The following SLC6A6 variants were observed in gnomAD, a reference collection of about 807,000 sequenced individuals.
The protein encoded by SLC6A6 is solute carrier family 6 member 6, also known as sodium- and chloride-dependent taurine transporter.
SLC6A6 carries 16 observed loss-of-function variants against 68.8 expected under a neutral mutation model. The ratio of observed to expected loss-of-function variants is 0.23; its 90% CI spans 0.16 to 0.35. The LOEUF (loss-of-function observed/expected upper bound fraction) is 0.35, where lower values mean the gene tolerates loss of function less well. Ranked by LOEUF, SLC6A6 falls within the 10% of genes least tolerant of loss-of-function variation. The pLI is 1.00. For missense variants in SLC6A6, 474 were observed against 802.8 expected, an observed-to-expected ratio of 0.59 and a Z score of 4.95; for synonymous variants, 312 against 315.4, an observed-to-expected ratio of 0.99 and a Z score of 0.12.
chr3:14,420,382 T>C (rs1699459034), intron 2 of SLC6A6, among the ~76,000 whole-genome samples: 1 of 152,240 alleles, frequency 6.6e-6, no homozygotes, highest in Admixed American at 6.5e-5. Context: ...GCCAGTTTGC[T>C]GACCTTGTTG....
intron 2 of SLC6A6, among the ~76,000 whole-genome samples, chr3:14,435,297 C>T (rs1699826396): frequency 6.6e-6 from 1 of 152,146 alleles, no homozygotes; most frequent in African/African-American, 2.4e-5. Flanking sequence ...GAGGTAGAGG[C>T]TTTTCTGCAG....
intron 4 of SLC6A6, 115 bp downstream of exon 4, chr3:14,445,966 A>T: frequency 9.8e-7 from 1 of 1,023,808 alleles, no homozygotes; most frequent in Non-Finnish European, 1.5e-6. Flanking sequence ...ACTTAGCTCT[A>T]TGCTGACACA....
At chr3:14,454,935 C>T (rs1164550715) in intron 5 of SLC6A6, among the ~76,000 whole-genome samples, 5 of 152,150 alleles carry the variant, frequency 3.3e-5, no homozygotes, top group Admixed American at 6.5e-5. Flanking sequence ...TCTCCAGGAC[C>T]GAGCTCCTTA....
In SLC6A6 at chr3:14,477,899, T is replaced by C. The variant is rs1700915378; in HGVS notation, c.1347+557T>C. ...AAGAGCAGAAGGGAACGGGAACGTC[T>C]AAGACGTGTCTAGCAAGAGGCAAGC... On this transcript the variant is annotated intron_variant, in intron 11 of 14. Transcript: ENST00000622186. This position sits in a 1 kb window ranked among gnomAD's most constrained non-coding sequence, Gnocchi z 4.2. Among the ~76,000 whole-genome samples, 1 of 152,094 alleles carries C rather than the reference T, an allele frequency of 6.6e-6. No individual in the cohort carries two copies.
At chr3:14,414,684 C>T (rs1574909347) in intron 1 of SLC6A6, among the ~76,000 whole-genome samples, 2 of 152,230 alleles carry the variant, frequency 1.3e-5, no homozygotes, top group Admixed American at 1.3e-4. Context: ...TGCCACCATA[C>T]CCAGCTAATT....
chr3:14,421,903 G>A (rs1699493741), intron 2 of SLC6A6, among the ~76,000 whole-genome samples: 1 of 152,198 alleles, frequency 6.6e-6, no homozygotes, highest in Non-Finnish European at 1.5e-5. Flanking sequence ...AGCCTCGTGG[G>A]AAAGCTTGGG....
intron 7 of SLC6A6, 55 bp downstream of exon 7, chr3:14,466,705 C>T: frequency 6.6e-7 from 1 of 1,514,474 alleles, no homozygotes; most frequent in Non-Finnish European, 9.0e-7. Context: ...TGGGCCGGCA[C>T]AGGACAGGGC....
intron 5 of SLC6A6, among the ~76,000 whole-genome samples, chr3:14,455,898 T>C (rs1326623207): frequency 6.6e-6 from 1 of 152,140 alleles, no homozygotes; most frequent in Non-Finnish European, 1.5e-5. Context: ...GATCCCAGCA[T>C]ATAGCAGAGG....
intron 5 of SLC6A6, 120 bp downstream of exon 5, chr3:14,447,936 T>G: frequency 6.7e-7 from 1 of 1,488,064 alleles, no homozygotes; most frequent in Non-Finnish European, 8.9e-7. Context: ...GGGAGGAGGG[T>G]GCAGATCTGG....
chr3:14,466,245 G>A (rs1170103140), intron 6 of SLC6A6, among the ~76,000 whole-genome samples: 3 of 146,878 alleles, frequency 2.0e-5, no homozygotes, highest in Non-Finnish European at 4.5e-5. Flanking sequence ...CTGGGTGACA[G>A]CGAGGCTCCG....
At chr3:14,414,549 A>G (rs375489113) in intron 1 of SLC6A6, among the ~76,000 whole-genome samples, 159 of 151,822 alleles carry the variant, frequency 1.0e-3, no homozygotes, top group African/African-American at 3.6e-3. Flanking sequence ...TTTAAGAGAC[A>G]GGGTCTCACT....
Position 14,485,146 on chromosome 3 carries a change from G to T in SLC6A6, c.*139G>T. On this transcript the variant is annotated 3_prime_UTR_variant, in exon 15 of 15. Transcript: ENST00000622186. The stretch of plus-strand genomic sequence containing the variant: ...ATTGTCACAGAAAATGTAATTGTGG[G>T]TATGTGTGCGTGCGTGTGTGTGTGT... 1.7e-6 allele frequency: 1 copy of T among 599,734 alleles called. No individual in the cohort carries two copies. Among genetic ancestry groups the T allele is most frequent in the South Asian group, 2.1e-5 (1 of 47,202 alleles). The allele number at this position is 599,734 out of a possible 1,614,324, so 37.2% of individuals were successfully genotyped here.
intron 1 of SLC6A6, among the ~76,000 whole-genome samples, chr3:14,410,563 A>G (rs1699229969): frequency 6.6e-6 from 1 of 152,082 alleles, no homozygotes; most frequent in Non-Finnish European, 1.5e-5. Context: ...TCTCCAGGAG[A>G]AGGGTTGGGC....
intron 7 of SLC6A6, among the ~76,000 whole-genome samples, chr3:14,467,410 ATGG>A (rs1574957709): frequency 1.3e-5 from 2 of 152,306 alleles, no homozygotes; most frequent in Admixed American, 1.3e-4. Flanking sequence ...AGTAACAACA[ATGG>A]TGGTGACAGC....
intron 4 of SLC6A6, among the ~76,000 whole-genome samples, chr3:14,446,517 T>G (rs990688683): frequency 3.3e-5 from 5 of 152,168 alleles, no homozygotes; most frequent in African/African-American, 1.2e-4. Context: ...TGCAATATTC[T>G]TCTGTCACAA....
chr3:14,456,475 A>T (rs1336502031), intron 5 of SLC6A6, among the ~76,000 whole-genome samples: 1 of 152,270 alleles, frequency 6.6e-6, no homozygotes, highest in African/African-American at 2.4e-5. Flanking sequence ...CTGGGAACAC[A>T]GCAGTAAACT....
chr3:14,468,343 C>CG lies in SLC6A6; in HGVS notation c.1096+131_1096+132insG, dbSNP rs1427315932. 6.8e-6 allele frequency: 5 copies of CG among 734,432 alleles called. No homozygotes were observed. Among genetic ancestry groups the CG allele is most frequent in the South Asian group, 4.6e-5 (2 of 43,464 alleles). The allele number at this position is 734,432 out of a possible 1,614,324, so 45.5% of individuals were successfully genotyped here. ...CCTGGTTTCTAAAATGGACCCCCCC[C>CG]CCGCCACCAAGATATCCCCCAAATT... On this transcript the variant is annotated intron_variant, in intron 9 of 14. Coordinates refer to ENST00000622186, the MANE Select transcript of SLC6A6 (RefSeq NM_003043.6). This position sits in a 1 kb window ranked among gnomAD's most constrained non-coding sequence, Gnocchi z 4.5.
chr3:14,455,010 G>A (rs998497277), intron 5 of SLC6A6, among the ~76,000 whole-genome samples: 2 of 152,158 alleles, frequency 1.3e-5, no homozygotes, highest in Non-Finnish European at 2.9e-5. Context: ...CTGCTCCACA[G>A]TTTACAAGCT....
chr3:14,484,533 G>C (rs1488844415), intron 14 of SLC6A6, among the ~76,000 whole-genome samples: 1 of 152,126 alleles, frequency 6.6e-6, no homozygotes, highest in Non-Finnish European at 1.5e-5. Flanking sequence ...CAGAGGGAGA[G>C]AATCACAGGG....
Sources: allele counts gnomAD v4.1 joint callset (sites outside exome capture counted in the v4.1 genomes callset), GRCh38; gene constraint gnomAD v4.1.1; non-coding constraint Gnocchi (gnomAD v3.1); transcripts MANE v1.5; gene names NCBI Gene and HGNC (gene_info 2026-07-23, HGNC 2026-07-21).